The following SCUBE2 variants were observed in gnomAD, a reference collection of about 807,000 sequenced individuals.
SCUBE2 encodes signal peptide, CUB domain and EGF like domain containing 2.
SCUBE2 carries 114 observed loss-of-function variants against 125.9 expected under a neutral mutation model. The ratio of observed to expected loss-of-function variants is 0.91; its 90% CI spans 0.78 to 1.06. The LOEUF (loss-of-function observed/expected upper bound fraction) is 1.06. Ranked by LOEUF, SCUBE2 falls within the 50% of genes least tolerant of loss-of-function variation. The pLI is 0.00. For missense variants in SCUBE2, 1,255 were observed against 1,301.8 expected, an observed-to-expected ratio of 0.96 and a Z score of 0.55; for synonymous variants, 459 against 492.9, an observed-to-expected ratio of 0.93 and a Z score of 0.91.
intron 21 of SCUBE2, 91 bp downstream of exon 21, chr11:9,025,611 T>C (rs549695721): frequency 3.4e-6 from 5 of 1,472,782 alleles, no homozygotes; most frequent in South Asian, 2.6e-5. Flanking sequence ...TTTCTGAGCA[T>C]GTGTGCTTGT....
At chr11:9,067,833 C>A (rs1323286913) in intron 5 of SCUBE2, among the ~76,000 whole-genome samples, 5 of 152,088 alleles carry the variant, frequency 3.3e-5, no homozygotes, top group African/African-American at 7.2e-5. Flanking sequence ...CATTTAAAAT[C>A]TTTAAAAACA....
At chr11:9,090,391 TG>T (rs1461040886) in intron 1 of SCUBE2, 2 of 153,758 alleles carry the variant, frequency 1.3e-5, no homozygotes, top group Non-Finnish European at 2.9e-5. Flanking sequence ...ACACAGCCCG[TG>T]GGCTACGTGC....
chr11:9,073,220 G>A (rs1860951896), intron 4 of SCUBE2, among the ~76,000 whole-genome samples: 1 of 152,160 alleles, frequency 6.6e-6, no homozygotes, highest in South Asian at 2.1e-4. Flanking sequence ...AGAGTGCAGG[G>A]CACACCAATG....
chr11:9,083,729 A>G (rs1436567143), intron 2 of SCUBE2, among the ~76,000 whole-genome samples: 1 of 151,818 alleles, frequency 6.6e-6, no homozygotes, highest in African/African-American at 2.4e-5. Flanking sequence ...TTTAGTAGAG[A>G]CGGGGTTTCA....
intron 14 of SCUBE2, 136 bp from the exon 15 acceptor site, chr11:9,048,234 G>A: frequency 1.3e-6 from 1 of 789,006 alleles, no homozygotes; most frequent in South Asian, 2.4e-5. Flanking sequence ...CCAAGACACT[G>A]CAAGCCCTTA....
At chr11:9,083,407 T>A (rs187006696) in intron 2 of SCUBE2, among the ~76,000 whole-genome samples, 1 of 152,300 alleles carries the variant, frequency 6.6e-6, no homozygotes, top group African/African-American at 2.4e-5. Context: ...TAAATCTGCT[T>A]TACTCACAGG....
At chr11:9,046,517 C>A (rs1411506967) in intron 16 of SCUBE2, among the ~76,000 whole-genome samples, 1 of 152,110 alleles carries the variant, frequency 6.6e-6, no homozygotes, top group Non-Finnish European at 1.5e-5. Flanking sequence ...GAGGCCTAAC[C>A]CCAACAGGAT....
chr11:9,061,283 G>A (rs148734223), intron 7 of SCUBE2, among the ~76,000 whole-genome samples: 1 of 152,084 alleles, frequency 6.6e-6, no homozygotes, highest in African/African-American at 2.4e-5. Flanking sequence ...GGTGGCGAGG[G>A]TGGTGGCTTA....
At chr11:9,043,211 A>T (rs1857399546) in intron 16 of SCUBE2, among the ~76,000 whole-genome samples, 1 of 152,156 alleles carries the variant, frequency 6.6e-6, no homozygotes, top group Non-Finnish European at 1.5e-5. Context: ...TCTTCTAAAA[A>T]TCTCAGCAAG....
Position 9,055,984 on chromosome 11 carries a change from C to G in SCUBE2, c.1091-75G>C, listed in dbSNP as rs991325470. The G allele has an allele frequency of 1.1e-5, 13 of 1,154,970 alleles. No individual in the cohort carries two copies. The Admixed American group carries it at 1.9e-4, about 17-fold the overall frequency. 71.5% of individuals were successfully genotyped at this position (1,154,970 alleles called of 1,614,324 possible). The stretch of plus-strand genomic sequence containing the variant: ...GTGAAGAATAGGTTTATGATAAATA[C>G]CAGTTGCTGACCAACACCAAAAACA... On this transcript the variant is annotated intron_variant, in intron 9 of 22. Transcript: ENST00000649792.
chr11:9,038,083 G>A (rs1856887477), intron 16 of SCUBE2, among the ~76,000 whole-genome samples: 1 of 150,182 alleles, frequency 6.7e-6, no homozygotes, highest in Non-Finnish European at 1.5e-5. Flanking sequence ...CACTCATTAT[G>A]TGCTGAGTAC....
rs1855227149 is a variant in SCUBE2 at position 9,020,639 on chromosome 11, G to A, written c.*406C>T. Reference sequence around the variant, plus strand: ...GAGTGCAGAGGGCTCCCTTAGAGAGGGCCGGGCTAGAGGAAGCTGAAGTTT... The same window carrying A: ...GAGTGCAGAGGGCTCCCTTAGAGAGAGCCGGGCTAGAGGAAGCTGAAGTTT... On this transcript the variant is annotated 3_prime_UTR_variant, in exon 23 of 23. Coordinates refer to ENST00000649792, the MANE Select transcript of SCUBE2 (RefSeq NM_001367977.2). 1 of 152,988 alleles carries A rather than the reference G, an allele frequency of 6.5e-6. No homozygotes were observed. The highest frequency in any genetic ancestry group is 2.1e-4 in the South Asian group (1 of 4,836). The allele number at this position is 152,988 out of a possible 1,614,324, so 9.5% of individuals were successfully genotyped here. A position where few individuals can be genotyped will look rare whatever the true frequency, so the allele number is the denominator to read the frequency against.
In SCUBE2 at chr11:9,027,504, T is replaced by G; in HGVS notation, c.2561A>C (p.Tyr854Ser). The G allele has an allele frequency of 6.2e-7, 1 of 1,613,846 alleles. No homozygotes were observed. ...GGTGTTGGCTGGGTAATTGCCTGGG[T>G]AGTTTGGGGATTCAATGTACCCAGT... is the stretch of plus-strand genomic sequence containing the variant. ...DFTGYIESPN[Y>S]PGNYPANTEC... The change falls in exon 20 of 23, where the codon TAC (tyrosine) becomes TCC (serine). Residue 854 changes from tyrosine to serine, a missense_variant. Coordinates refer to ENST00000649792, the MANE Select transcript of SCUBE2 (RefSeq NM_001367977.2).
Position 9,065,885 on chromosome 11 carries a change from G to A in SCUBE2, c.850+6C>T. On this transcript the variant is annotated splice_donor_region_variant and intron_variant, in intron 7 of 22. Transcript: ENST00000649792. ...GTGGCCAAGGAAAGGGAGTGAAGGT[G>A]CCTACCCATGAGCAGCCGCCGTTTC... is the stretch of plus-strand genomic sequence containing the variant. 6.2e-7 allele frequency: 1 copy of A among 1,612,894 alleles called. No homozygotes were observed. The highest frequency in any genetic ancestry group is 8.5e-7 in the Non-Finnish European group (1 of 1,178,878).
At position 9,065,791 on chromosome 11, in the gene SCUBE2, G is replaced by A. The variant is rs998120781; in HGVS notation, c.850+100C>T. On this transcript the variant is annotated intron_variant, in intron 7 of 22. Coordinates refer to ENST00000649792, the MANE Select transcript of SCUBE2 (RefSeq NM_001367977.2). The stretch of plus-strand genomic sequence containing the variant: ...GGAGCTGCTCACCCCAGTCCAGCTG[G>A]TCTGAGGGCATGTGGCTCCCAAGTT... 8.5e-5 allele frequency: 82 copies of A among 966,360 alleles called. 1 individual carries two copies. The Admixed American group carries it at 1.4e-3, about 17-fold the overall frequency. 59.9% of individuals were successfully genotyped at this position (966,360 alleles called of 1,614,324 possible). A position where few individuals can be genotyped will look rare whatever the true frequency, so the allele number is the denominator to read the frequency against.
intron 10 of SCUBE2, 30 bp from the exon 11 acceptor site, chr11:9,053,789 C>A: frequency 6.2e-7 from 1 of 1,601,552 alleles, no homozygotes; most frequent in Non-Finnish European, 8.5e-7. Flanking sequence ...CCTGTCATAG[C>A]AGCCTGTCAC....
chr11:9,070,861 G>C (rs1860733190), intron 4 of SCUBE2, among the ~76,000 whole-genome samples: 1 of 152,166 alleles, frequency 6.6e-6, no homozygotes. Context: ...AAACCCTCTT[G>C]CTCTTTTGCC....
intron 16 of SCUBE2, among the ~76,000 whole-genome samples, chr11:9,034,288 G>C (rs750423334): frequency 6.6e-6 from 1 of 152,138 alleles, no homozygotes; most frequent in Non-Finnish European, 1.5e-5. Context: ...TAGGATCTTC[G>C]CAGTTGGGAA....
At chr11:9,023,759 A>G (rs1589983479) in intron 21 of SCUBE2, among the ~76,000 whole-genome samples, 1 of 152,152 alleles carries the variant, frequency 6.6e-6, no homozygotes, top group Non-Finnish European at 1.5e-5. Flanking sequence ...GGCCTCATCT[A>G]TAAAATCAGG....
Sources: allele counts gnomAD v4.1 joint callset (sites outside exome capture counted in the v4.1 genomes callset), GRCh38; gene constraint gnomAD v4.1.1; transcripts MANE v1.5; gene names NCBI Gene and HGNC (gene_info 2026-07-23, HGNC 2026-07-21).